The following CABCOCO1 variants were observed in gnomAD, a reference collection of about 807,000 sequenced individuals.
CABCOCO1 encodes the protein ciliary associated calcium binding coiled-coil 1.
A neutral mutation model predicts 35.7 loss-of-function variants in CABCOCO1; 28 were observed. That is an observed-to-expected ratio of 0.78 (90% confidence interval 0.58 to 1.07). The LOEUF is 1.07. Among genes scored for constraint, CABCOCO1 ranks in the 50% least tolerant of loss-of-function variants. The probability of loss-of-function intolerance (pLI) is 0.00; values close to 1 mark genes in which losing one functional copy is unlikely to be tolerated. For missense variants in CABCOCO1, 326 were observed against 309.2 expected (o/e 1.05, Z -0.41); for synonymous variants, 95 against 100.1 (o/e 0.95, Z 0.30).
chr10:61,681,592 T>C (rs1335062393), intron 3 of CABCOCO1, among the ~76,000 whole-genome samples: 3 of 152,132 alleles, frequency 2.0e-5, no homozygotes, highest in African/African-American at 7.2e-5. Context: ...ATCTGAGGAC[T>C]CTGTGGTATT....
chr10:61,712,223 C>T (rs766482018), intron 5 of CABCOCO1, among the ~76,000 whole-genome samples: 23 of 152,218 alleles, frequency 1.5e-4, no homozygotes, highest in Non-Finnish European at 2.8e-4. Flanking sequence ...GATGGTTTCT[C>T]ATCGTGGTTT....
At position 61,676,577 on chromosome 10, in the gene CABCOCO1, T is replaced by C. The variant is rs1839517181; in HGVS notation, c.164+3842T>C. Reference sequence around the variant, plus strand: ...TACTTTAGGATTAGTGTTACAAAAATCATATAATCACAAGAAAATTGCTTT... The same window carrying C: ...TACTTTAGGATTAGTGTTACAAAAACCATATAATCACAAGAAAATTGCTTT... On this transcript the variant is annotated intron_variant, in intron 2 of 7. Transcript: ENST00000648843. Among the ~76,000 whole-genome samples the C allele has an allele frequency of 2.0e-5, 3 of 152,198 alleles. No individual in the cohort carries two copies. In the South Asian group the frequency reaches 6.2e-4, roughly 32 times the overall value.
At chr10:61,688,121 A>G (rs1341427132) in intron 4 of CABCOCO1, among the ~76,000 whole-genome samples, 1 of 152,090 alleles carries the variant, frequency 6.6e-6, no homozygotes, top group African/African-American at 2.4e-5. Flanking sequence ...GTTTAAACCT[A>G]CCCATCCTGC....
intron 5 of CABCOCO1, among the ~76,000 whole-genome samples, chr10:61,745,538 G>A (rs1209442916): frequency 6.6e-6 from 1 of 152,160 alleles, no homozygotes; most frequent in African/African-American, 2.4e-5. Flanking sequence ...TTTATGTAGT[G>A]TTACAAATGA....
chr10:61,672,095 G>T (rs750663953), intron 1 of CABCOCO1, among the ~76,000 whole-genome samples: 1 of 152,106 alleles, frequency 6.6e-6, no homozygotes, highest in Non-Finnish European at 1.5e-5. Flanking sequence ...TAACCTTGGT[G>T]TTGCTGGTTC....
At chr10:61,687,188 G>T (rs181343027) in intron 4 of CABCOCO1, among the ~76,000 whole-genome samples, 10 of 152,210 alleles carry the variant, frequency 6.6e-5, no homozygotes, top group African/African-American at 2.4e-4. Flanking sequence ...TGGTTTTTAC[G>T]TAATAACATT....
intron 7 of CABCOCO1, among the ~76,000 whole-genome samples, chr10:61,764,211 T>C (rs945186437): frequency 2.6e-4 from 39 of 152,120 alleles, no homozygotes; most frequent in African/African-American, 9.2e-4. Context: ...GGGACATTAA[T>C]TGAAAGTGGG....
intron 1 of CABCOCO1, among the ~76,000 whole-genome samples, chr10:61,665,479 T>C (rs1023438229): frequency 3.3e-5 from 5 of 152,214 alleles, no homozygotes; most frequent in African/African-American, 1.2e-4. Context: ...AATAAATATT[T>C]GTTACGCATA....
chr10:61,724,205 C>T (rs917243369), intron 5 of CABCOCO1, among the ~76,000 whole-genome samples: 2 of 152,112 alleles, frequency 1.3e-5, no homozygotes, highest in African/African-American at 4.8e-5. Context: ...TAGAAATACT[C>T]AATATTGTAC....
intron 5 of CABCOCO1, among the ~76,000 whole-genome samples, chr10:61,714,380 G>C (rs1458539673): frequency 1.3e-5 from 2 of 151,946 alleles, no homozygotes; most frequent in Admixed American, 1.3e-4. Context: ...TTTTTATTGT[G>C]TCTATTTGAT....
chr10:61,731,923 C>T (rs889552521), intron 5 of CABCOCO1, among the ~76,000 whole-genome samples: 2 of 151,832 alleles, frequency 1.3e-5, no homozygotes, highest in African/African-American at 4.8e-5. Flanking sequence ...TGATATCAAG[C>T]CATTTGATTA....
At chr10:61,670,779 C>G (rs1008572247) in intron 1 of CABCOCO1, among the ~76,000 whole-genome samples, 1 of 152,180 alleles carries the variant, frequency 6.6e-6, no homozygotes, top group African/African-American at 2.4e-5. Flanking sequence ...TTCCCAGTCT[C>G]CTCTTCCATC....
intron 5 of CABCOCO1, among the ~76,000 whole-genome samples, chr10:61,737,961 A>T (rs890926352): frequency 1.1e-4 from 17 of 151,928 alleles, no homozygotes; most frequent in African/African-American, 1.7e-4. Context: ...TAAAATAAAA[A>T]TTTTTTTAAA....
At chr10:61,693,060 G>T (rs1490440338) in intron 5 of CABCOCO1, among the ~76,000 whole-genome samples, 1 of 152,012 alleles carries the variant, frequency 6.6e-6, no homozygotes, top group African/African-American at 2.4e-5. Context: ...ATATATTTAG[G>T]TGACATTTAT....
At chr10:61,695,795 A>G (rs765632418) in intron 5 of CABCOCO1, among the ~76,000 whole-genome samples, 6 of 152,124 alleles carry the variant, frequency 3.9e-5, no homozygotes, top group Non-Finnish European at 7.4e-5. Flanking sequence ...CTGTGATAAA[A>G]TAAGAAAAAG....
At chr10:61,753,007 A>G (rs1297256853) in intron 5 of CABCOCO1, among the ~76,000 whole-genome samples, 3 of 152,200 alleles carry the variant, frequency 2.0e-5, no homozygotes, top group African/African-American at 7.2e-5. Flanking sequence ...CCAAGGACCT[A>G]GAGTTCTTCC....
chr10:61,742,747 A>G (rs1841576570), intron 5 of CABCOCO1, among the ~76,000 whole-genome samples: 1 of 152,224 alleles, frequency 6.6e-6, no homozygotes, highest in Admixed American at 6.5e-5. Flanking sequence ...TTTCCTGCCA[A>G]TACAGACAAT....
In CABCOCO1 at chr10:61,726,823, G is replaced by A. The variant is rs191854818; in HGVS notation, c.553-33236G>A. 1.6e-3 allele frequency among the ~76,000 whole-genome samples: 234 copies of A among 143,312 alleles called. 1 individual carries two copies. Among genetic ancestry groups the A allele is most frequent in the East Asian group, 0.013 (61 of 4,704 alleles). The allele number at this position is 143,312 out of a possible 152,430, so 94.0% of individuals were successfully genotyped here. A position where few individuals can be genotyped will look rare whatever the true frequency, so the allele number is the denominator to read the frequency against. ...CTGTAATCCCAGCACTTTGGGAGGCGAGCGGGGGTGGATCACCTGAGGTCA... is the reference window on the plus strand; with the variant it reads ...CTGTAATCCCAGCACTTTGGGAGGCAAGCGGGGGTGGATCACCTGAGGTCA... On this transcript the variant is annotated intron_variant, in intron 5 of 7. Coordinates refer to ENST00000648843, the MANE Select transcript of CABCOCO1 (RefSeq NM_001366906.2).
chr10:61,694,535 T>A (rs1027985853), intron 5 of CABCOCO1, among the ~76,000 whole-genome samples: 2 of 151,752 alleles, frequency 1.3e-5, no homozygotes, highest in East Asian at 1.9e-4. Context: ...TATTAACAGA[T>A]TCATTTCCCA....
Sources: gnomAD v4.1 joint callset for allele counts (sites outside exome capture counted in the v4.1 genomes callset) on GRCh38, gnomAD v4.1.1 for gene constraint, MANE v1.5 for transcripts, NCBI Gene and HGNC (gene_info 2026-07-23, HGNC 2026-07-21) for gene names.